EEF1AKMT1: variants seen among roughly 807,000 people sequenced by gnomAD.
EEF1AKMT1 encodes the protein EEF1A lysine methyltransferase 1.
EEF1AKMT1 carries 18 observed loss-of-function variants against 21.0 expected under a neutral mutation model. The ratio of observed to expected loss-of-function variants is 0.86; its 90% confidence interval spans 0.59 to 1.27. The LOEUF is 1.27. Among genes scored for constraint, EEF1AKMT1 ranks in the 50% most tolerant of loss-of-function variants. The probability of loss-of-function intolerance (pLI) is 0.00; values close to 1 mark genes in which losing one functional copy is unlikely to be tolerated. For missense variants in EEF1AKMT1, 246 were observed against 258.6 expected, an observed-to-expected ratio of 0.95 and a Z score of 0.33; for synonymous variants, 109 against 94.8, an observed-to-expected ratio of 1.15 and a Z score of -0.87.
chr13:20,728,976 C>CT lies in EEF1AKMT1; in HGVS notation c.*103_*104insA. On this transcript the variant is annotated 3_prime_UTR_variant, in exon 5 of 5. Coordinates refer to ENST00000382758, the MANE Select transcript of EEF1AKMT1 (RefSeq NM_001318939.2). ...TTGAAAACCAGGCCAGGGACAGCTC[C>CT]AGTTTGGGGGGAGGGGAAGAGATTA... is the stretch of plus-strand genomic sequence containing the variant. 1 of 1,451,702 alleles carries CT rather than the reference C, an allele frequency of 6.9e-7. No individual in the cohort carries two copies. Among genetic ancestry groups the CT allele is most frequent in the Non-Finnish European group, 9.5e-7 (1 of 1,048,164 alleles). 89.9% of individuals were successfully genotyped at this position (1,451,702 alleles called of 1,614,324 possible). A position where few individuals can be genotyped will look rare whatever the true frequency, so the allele number is the denominator to read the frequency against.
chr13:20,739,112 G>C (rs748911790), intron 2 of EEF1AKMT1, among the ~76,000 whole-genome samples: 1 of 152,144 alleles, frequency 6.6e-6, no homozygotes, highest in Admixed American at 6.5e-5. Context: ...CCTTCGCCAA[G>C]AGGATTACAA....
chr13:20,762,264 C>A (rs1210295512), intron 1 of EEF1AKMT1, among the ~76,000 whole-genome samples: 1 of 151,156 alleles, frequency 6.6e-6, no homozygotes, highest in African/African-American at 2.4e-5. Flanking sequence ...CTCACTGCAA[C>A]CTCCACCTCC....
intron 3 of EEF1AKMT1, among the ~76,000 whole-genome samples, chr13:20,735,331 C>CA (rs398077092): frequency 2.6e-5 from 4 of 151,856 alleles, no homozygotes; most frequent in Admixed American, 1.3e-4. Flanking sequence ...AGCCTGCCCC[C>CA]CACCATGACT....
intron 3 of EEF1AKMT1, among the ~76,000 whole-genome samples, chr13:20,737,022 C>T (rs929518241): frequency 3.9e-5 from 6 of 151,900 alleles, no homozygotes; most frequent in Admixed American, 2.0e-4. Flanking sequence ...GCATGAGCCA[C>T]CACGCCCAGT....
intron 4 of EEF1AKMT1, among the ~76,000 whole-genome samples, chr13:20,730,663 G>A (rs1180629744): frequency 6.6e-6 from 1 of 152,116 alleles, no homozygotes; most frequent in African/African-American, 2.4e-5. Context: ...GGGACTTGGA[G>A]AACTTTTCTG....
In EEF1AKMT1 at chr13:20,728,947, T is replaced by A. The variant is rs749472927; in HGVS notation, c.*133A>T. 360 of 1,205,340 alleles carry A rather than the reference T, an allele frequency of 3.0e-4. No homozygotes were observed. The highest frequency in any genetic ancestry group is 3.9e-4 in the Non-Finnish European group (327 of 843,100). 74.7% of individuals were successfully genotyped at this position (1,205,340 alleles called of 1,614,324 possible). A position where few individuals can be genotyped will look rare whatever the true frequency, so the allele number is the denominator to read the frequency against. On this transcript the variant is annotated 3_prime_UTR_variant, in exon 5 of 5. Transcript: ENST00000382758. Reference sequence around the variant, plus strand: ...AAACAATAATGAAGATCGCACACTTTATTTTGAAAACCAGGCCAGGGACAG... The same window carrying A: ...AAACAATAATGAAGATCGCACACTTAATTTTGAAAACCAGGCCAGGGACAG...
intron 1 of EEF1AKMT1, among the ~76,000 whole-genome samples, chr13:20,773,149 A>G (rs2059070435): frequency 6.6e-6 from 1 of 152,100 alleles, no homozygotes; most frequent in Non-Finnish European, 1.5e-5. Flanking sequence ...GCTTTCCAGA[A>G]TTCTATTTAT....
chr13:20,746,300 A>G (rs1176393214), intron 2 of EEF1AKMT1, among the ~76,000 whole-genome samples: 1 of 152,040 alleles, frequency 6.6e-6, no homozygotes, highest in East Asian at 1.9e-4. Context: ...TTACAAGTCC[A>G]TGCCACCACA....
At chr13:20,773,877 G>C (rs1384200779) in intron 1 of EEF1AKMT1, 44 bp downstream of exon 1, 1 of 152,544 alleles carries the variant, frequency 6.6e-6, no homozygotes, top group Non-Finnish European at 1.5e-5. Flanking sequence ...ACGCCTCGGC[G>C]GCGCGCAGCC....
chr13:20,739,000 T>C lies in EEF1AKMT1; in HGVS notation c.145-1195A>G, dbSNP rs570639067. Among the ~76,000 whole-genome samples, 19 of 152,308 alleles carry C rather than the reference T, an allele frequency of 1.2e-4. No homozygotes were observed. The South Asian group carries it at 3.3e-3, about 27-fold the overall frequency. On this transcript the variant is annotated intron_variant, in intron 2 of 4. Coordinates refer to ENST00000382758, the MANE Select transcript of EEF1AKMT1 (RefSeq NM_001318939.2). Reference sequence around the variant, plus strand: ...CGATGAGTGTGACAGTTCTTAAAGATAGTGTGCCCAGAGTTCCTTCCTTCT... The same window carrying C: ...CGATGAGTGTGACAGTTCTTAAAGACAGTGTGCCCAGAGTTCCTTCCTTCT...
chr13:20,758,168 G>C (rs867750814), intron 1 of EEF1AKMT1, among the ~76,000 whole-genome samples: 3 of 152,110 alleles, frequency 2.0e-5, no homozygotes, highest in Non-Finnish European at 1.5e-5. Context: ...TTTTCGGTCT[G>C]ATAGAGGCAT....
At chr13:20,766,574 C>A (rs959057998) in intron 1 of EEF1AKMT1, among the ~76,000 whole-genome samples, 2 of 152,110 alleles carry the variant, frequency 1.3e-5, no homozygotes, top group Non-Finnish European at 2.9e-5. Context: ...GTAATCCCAG[C>A]ACTTTGGGAG....
At chr13:20,757,982 G>A (rs1166677187) in intron 1 of EEF1AKMT1, among the ~76,000 whole-genome samples, 5 of 152,134 alleles carry the variant, frequency 3.3e-5, no homozygotes, top group African/African-American at 9.7e-5. Context: ...CACACAACAG[G>A]TAACAGGCCC....
Position 20,757,604 on chromosome 13 carries a change from A to G in EEF1AKMT1, c.-6T>C, listed in dbSNP as rs370259803. On this transcript the variant is annotated 5_prime_UTR_variant, in exon 2 of 5. Transcript: ENST00000382758. ...TCATCTTCCAAATCACTCATTTCAC[A>G]AGTTGTTTATAACCTGCAGATCAAG... The G allele has an allele frequency of 3.0e-5, 49 of 1,613,300 alleles. No individual in the cohort carries two copies. The African/African-American group carries it at 6.3e-4, about 21-fold the overall frequency.
intron 2 of EEF1AKMT1, among the ~76,000 whole-genome samples, chr13:20,756,512 TA>T (rs892991550): frequency 1.3e-5 from 2 of 152,216 alleles, no homozygotes; most frequent in African/African-American, 4.8e-5. Context: ...CTGGGGTCCA[TA>T]AAAACCGGTG....
Position 20,732,160 on chromosome 13 carries a change from CAG to C in EEF1AKMT1, c.228-41_228-40del, listed in dbSNP as rs765755633. ...TGAACACACCATGAAACATCCTTAA[CAG>C]AGAGATTACGGTGTTAACAACTTCT... On this transcript the variant is annotated intron_variant, in intron 3 of 4. Transcript: ENST00000382758. 9.6e-6 allele frequency: 15 copies of C among 1,566,472 alleles called. No homozygotes were observed. In the African/African-American group the frequency reaches 1.8e-4, roughly 19 times the overall value.
intron 3 of EEF1AKMT1, among the ~76,000 whole-genome samples, chr13:20,737,384 C>CATATATGTATGT (rs1415672895): frequency 6.6e-6 from 1 of 152,046 alleles, no homozygotes; most frequent in East Asian, 1.9e-4. Flanking sequence ...TAAATACATA[C>CATATATGTATGT]ATACATATAT....
intron 3 of EEF1AKMT1, among the ~76,000 whole-genome samples, 159 bp from the exon 4 acceptor site, chr13:20,732,280 T>C (rs1005490158): frequency 2.8e-4 from 42 of 152,246 alleles, no homozygotes; most frequent in Non-Finnish European, 1.2e-4. Flanking sequence ...GAAAAAACTT[T>C]ATAGTGTCTC....
intron 1 of EEF1AKMT1, among the ~76,000 whole-genome samples, chr13:20,764,914 CA>C (rs1292492818): frequency 4.7e-5 from 7 of 150,472 alleles, no homozygotes; most frequent in Non-Finnish European, 8.9e-5. Context: ...CACACACACA[CA>C]CACCCTAATT....
Sources: gnomAD v4.1 joint callset for allele counts (sites outside exome capture counted in the v4.1 genomes callset) on GRCh38, gnomAD v4.1.1 for gene constraint, MANE v1.5 for transcripts, NCBI Gene and HGNC (gene_info 2026-07-23, HGNC 2026-07-21) for gene names.